The following SPTA1 variants were observed in gnomAD, a reference collection of about 807,000 sequenced individuals.
The protein encoded by SPTA1 is spectrin alpha, erythrocytic 1, also known as spectrin alpha chain, erythrocytic 1.
In SPTA1, 177 loss-of-function variants were observed where a neutral mutation model predicts 324.7. The observed-to-expected ratio is 0.55, with a 90% CI of 0.48 to 0.62. The LOEUF is 0.62. SPTA1 is among the 20% of genes least tolerant of loss of function. The probability of loss-of-function intolerance (pLI) is 0.00; values close to 1 mark genes in which losing one functional copy is unlikely to be tolerated. For synonymous variants in SPTA1, 1,195 were observed against 1,041.3 expected (o/e 1.15, Z -2.84); for missense variants, 3,162 against 2,883.6 (o/e 1.10, Z -2.21).
At chr1:158,650,182 A>T (rs190621676) in intron 24 of SPTA1, among the ~76,000 whole-genome samples, 37 of 152,344 alleles carry the variant, frequency 2.4e-4, no homozygotes, top group African/African-American at 8.7e-4. Context: ...TCAACTCCGG[A>T]GCAGTAAATA....
At chr1:158,653,234 T>C (rs1474728135) in intron 22 of SPTA1, 40 bp downstream of exon 22, 3 of 1,613,888 alleles carry the variant, frequency 1.9e-6, no homozygotes, top group South Asian at 1.1e-5. Context: ...GAAAAATGTC[T>C]GACCAAATAC....
In SPTA1 at chr1:158,613,724, C is replaced by T. The variant is rs762424841; in HGVS notation, c.6986G>A (p.Gly2329Glu). 19 of 1,613,614 alleles carry T rather than the reference C, an allele frequency of 1.2e-5. No individual in the cohort carries two copies. Among genetic ancestry groups the T allele is most frequent in the Non-Finnish European group, 1.4e-5 (16 of 1,179,770 alleles). The change falls in exon 50 of 52, where the codon GGG becomes GAG. Residue 2329 changes from glycine to glutamate, a missense_variant. Coordinates refer to ENST00000643759, the MANE Select transcript of SPTA1 (RefSeq NM_003126.4). ...FEKFLDAVDP[G>E]RKGYVSLEDY... is the part of the protein sequence containing the mutation. The stretch of plus-strand genomic sequence containing the variant: ...TGACCCTTAGTCTTGTTCCTACCTC[C>T]CTGGATCCACAGCATCCAGGAACTT...
At chr1:158,649,759 A>G in intron 25 of SPTA1, 97 bp downstream of exon 25, 1 of 1,049,306 alleles carries the variant, frequency 9.5e-7, no homozygotes, top group South Asian at 1.4e-5. Flanking sequence ...CCATCTCACG[A>G]AAAAAGATTA....
intron 5 of SPTA1, among the ~76,000 whole-genome samples, chr1:158,679,486 C>T (rs767651451): frequency 2.0e-5 from 3 of 152,070 alleles, no homozygotes; most frequent in Admixed American, 6.6e-5. Context: ...AGAAAACTTT[C>T]ATTTTCTATT....
chr1:158,637,874 A>G (rs1295725779), intron 36 of SPTA1, among the ~76,000 whole-genome samples, 159 bp downstream of exon 36: 1 of 152,220 alleles, frequency 6.6e-6, no homozygotes, highest in African/African-American at 2.4e-5. Context: ...GGAATTTGGG[A>G]AAAATAAAAC....
At chr1:158,661,019 G>A (rs377615213) in intron 18 of SPTA1, among the ~76,000 whole-genome samples, 1 of 152,302 alleles carries the variant, frequency 6.6e-6, no homozygotes, top group African/African-American at 2.4e-5. Flanking sequence ...CTTCTACAGA[G>A]AAGCATATTA....
intron 6 of SPTA1, 33 bp downstream of exon 6, chr1:158,678,368 A>G (rs988501542): frequency 6.2e-6 from 10 of 1,613,132 alleles, no homozygotes; most frequent in African/African-American, 1.3e-5. Flanking sequence ...AAGCACTTCA[A>G]AGTTTTCTAT....
intron 18 of SPTA1, 89 bp downstream of exon 18, chr1:158,661,198 A>T: frequency 6.3e-7 from 1 of 1,597,462 alleles, no homozygotes; most frequent in Non-Finnish European, 8.6e-7. Flanking sequence ...ATATTTTTAA[A>T]TTCCCTTGAA....
chr1:158,652,505 C>T lies in SPTA1; in HGVS notation c.3337G>A (p.Val1113Ile), dbSNP rs1652519162. 2 of 1,614,056 alleles carry T rather than the reference C, an allele frequency of 1.2e-6. No homozygotes were observed. Among genetic ancestry groups the T allele is most frequent in the African/African-American group, 2.7e-5 (2 of 74,932 alleles). ...AENTGVELDD[V>I]WELQKKFDEF... ...TCAAACTTTTTCTGCAGCTCCCAAACATCATCTAGTTCCACTCCAGTGTTT... is the reference window on the plus strand; with the variant it reads ...TCAAACTTTTTCTGCAGCTCCCAAATATCATCTAGTTCCACTCCAGTGTTT... The change falls in exon 23 of 52, where the codon GTT becomes ATT. Residue 1113 changes from valine (V) to isoleucine (I), a missense_variant. By Grantham distance (29) the Val-to-Ile change is conservative. Coordinates refer to ENST00000643759, the MANE Select transcript of SPTA1 (RefSeq NM_003126.4).
At chr1:158,656,759 A>C in intron 19 of SPTA1, 103 bp from the exon 20 acceptor site, 2 of 1,081,336 alleles carry the variant, frequency 1.8e-6, no homozygotes, top group South Asian at 2.6e-5. Flanking sequence ...ATCCTGGTAA[A>C]AGCTGCTTTC....
chr1:158,640,372 T>C (rs528078334), intron 33 of SPTA1, among the ~76,000 whole-genome samples: 41 of 152,194 alleles, frequency 2.7e-4, no homozygotes, highest in Admixed American at 6.5e-4. Flanking sequence ...TGGGCATCAC[T>C]CCTTTTCTCC....
chr1:158,625,472 T>C (rs186653627), intron 42 of SPTA1, among the ~76,000 whole-genome samples: 10 of 152,094 alleles, frequency 6.6e-5, no homozygotes, highest in Non-Finnish European at 1.5e-4. Context: ...CAAATGTACA[T>C]ACAATATACA....
At chr1:158,643,816 C>T (rs1353583804) in intron 30 of SPTA1, among the ~76,000 whole-genome samples, 1 of 152,096 alleles carries the variant, frequency 6.6e-6, no homozygotes, top group African/African-American at 2.4e-5. Context: ...AGCTGCCCTG[C>T]CTGCCTCAGT....
At chr1:158,634,364 C>A (rs748550442) in intron 39 of SPTA1, among the ~76,000 whole-genome samples, 179 bp downstream of exon 39, 5 of 152,160 alleles carry the variant, frequency 3.3e-5, no homozygotes, top group Non-Finnish European at 5.9e-5. Flanking sequence ...TAATCTTGGG[C>A]AAGTCACTTA....
intron 37 of SPTA1, 65 bp downstream of exon 37, chr1:158,636,576 T>C: frequency 1.9e-6 from 3 of 1,574,766 alleles, no homozygotes; most frequent in Non-Finnish European, 2.6e-6. Flanking sequence ...CTCTTATTTA[T>C]CTGTAACACA....
At chr1:158,679,266 G>A (rs184957245) in intron 5 of SPTA1, among the ~76,000 whole-genome samples, 1 of 151,988 alleles carries the variant, frequency 6.6e-6, no homozygotes, top group African/African-American at 2.4e-5. Context: ...AGCAGTGTAG[G>A]CCCCACTCGA....
chr1:158,684,647 G>A (rs1157939121), intron 2 of SPTA1, among the ~76,000 whole-genome samples: 1 of 151,926 alleles, frequency 6.6e-6, no homozygotes, highest in African/African-American at 2.4e-5. Context: ...CAATTAACCA[G>A]ATATACACTT....
chr1:158,659,288 C>T (rs952430152), intron 18 of SPTA1, among the ~76,000 whole-genome samples: 4 of 151,950 alleles, frequency 2.6e-5, no homozygotes, highest in African/African-American at 9.7e-5. Flanking sequence ...TGAAATTAGA[C>T]TATGATAGAT....
At chr1:158,680,434 A>C (rs1557993614) in intron 5 of SPTA1, 149 bp downstream of exon 5, 1 of 1,093,250 alleles carries the variant, frequency 9.1e-7, no homozygotes, top group African/African-American at 1.5e-5. Context: ...GGGGAGAGGA[A>C]ACTGTTCAGA....
Sources: allele counts gnomAD v4.1 joint callset (sites outside exome capture counted in the v4.1 genomes callset), GRCh38; gene constraint gnomAD v4.1.1; transcripts MANE v1.5; gene names NCBI Gene and HGNC (gene_info 2026-07-23, HGNC 2026-07-21).